Variants in FLT1 observed in about 807,000 individuals in gnomAD.
FLT1 encodes the protein fms related receptor tyrosine kinase 1.
FLT1 carries 49 observed loss-of-function variants against 156.3 expected under a neutral mutation model. The ratio of observed to expected loss-of-function variants is 0.31; its 90% confidence interval spans 0.25 to 0.40. FLT1 has a LOEUF of 0.40. Ranked by LOEUF, FLT1 falls within the 10% of genes least tolerant of loss-of-function variation. The pLI, the probability that FLT1 is intolerant of heterozygous loss-of-function variation, is 1.00. For synonymous variants in FLT1, 594 were observed against 583.8 expected, an observed-to-expected ratio of 1.02 and a Z score of -0.25; for missense variants, 1,322 against 1,637.2, an observed-to-expected ratio of 0.81 and a Z score of 3.32.
chr13:28,406,072 T>C (rs910400389), intron 10 of FLT1, among the ~76,000 whole-genome samples, 178 bp from the exon 11 acceptor site: 1 of 152,216 alleles, frequency 6.6e-6, no homozygotes, highest in Non-Finnish European at 1.5e-5. Flanking sequence ...ATAGCAAATA[T>C]ATTTGGCTGA....
At chr13:28,310,682 G>GTA (rs1232550680) in intron 27 of FLT1, among the ~76,000 whole-genome samples, 2 of 152,156 alleles carry the variant, frequency 1.3e-5, no homozygotes, top group African/African-American at 4.8e-5. Flanking sequence ...TCCCTCTGCA[G>GTA]TAATACGGGA....
At chr13:28,438,725 C>CT (rs1878178077) in intron 3 of FLT1, among the ~76,000 whole-genome samples, 1 of 152,168 alleles carries the variant, frequency 6.6e-6, no homozygotes, top group Non-Finnish European at 1.5e-5. Context: ...CCTCCAGAGC[C>CT]TTTGTAAGTG....
intron 10 of FLT1, among the ~76,000 whole-genome samples, chr13:28,406,749 A>C (rs1351482510): frequency 6.6e-6 from 1 of 152,132 alleles, no homozygotes; most frequent in East Asian, 1.9e-4. Flanking sequence ...GGGTTCAAGC[A>C]ATCCTGCCGC....
rs75419986 is a variant in FLT1 at position 28,457,861 on chromosome 13, A to C, written c.388+9042T>G. ...CTTGATTGTAGGGGAAAAATGAGAG[A>C]ATATGGTCAATTTTATTACCTTTGG... On this transcript the variant is annotated intron_variant, in intron 3 of 29. Transcript: ENST00000282397. 3.8e-3 allele frequency among the ~76,000 whole-genome samples: 571 copies of C among 152,096 alleles called. 9 individuals carry two copies. In the East Asian group the frequency reaches 0.064, roughly 17 times the overall value.
intron 13 of FLT1, 111 bp downstream of exon 13, chr13:28,389,685 C>A (rs778347714): frequency 5.7e-6 from 9 of 1,573,150 alleles, no homozygotes; most frequent in African/African-American, 1.4e-5. Flanking sequence ...ACAACTGTTA[C>A]TTTTTAATGA....
Position 28,408,003 on chromosome 13 carries a change from CAT to C in FLT1, c.1437-2111_1437-2110del, listed in dbSNP as rs1200776218. 4.6e-5 allele frequency among the ~76,000 whole-genome samples: 7 copies of C among 152,252 alleles called. No homozygotes were observed. The East Asian group carries it at 1.3e-3, about 29-fold the overall frequency. ...CAGGTATGAGTGTATATAATGTGCA[CAT>C]ATACACATGTGTATACCTAGATTAG... On this transcript the variant is annotated intron_variant, in intron 10 of 29. Transcript: ENST00000282397.
intron 16 of FLT1, among the ~76,000 whole-genome samples, chr13:28,342,946 T>TTCTCTC (rs61022115): frequency 0.019 from 2,727 of 143,068 alleles, 37 homozygotes; most frequent in African/African-American, 0.034. Context: ...CTTTCTTTCT[T>TTCTCTC]TCTCTCTCTC....
intron 14 of FLT1, chr13:28,368,492 G>T: frequency 6.5e-7 from 1 of 1,527,632 alleles, no homozygotes; most frequent in Non-Finnish European, 8.8e-7. Flanking sequence ...CCAACTAAAG[G>T]ATAAGTTCTT....
chr13:28,431,363 G>T (rs1353014482), intron 6 of FLT1, 53 bp from the exon 7 acceptor site: 5 of 1,270,914 alleles, frequency 3.9e-6, no homozygotes, highest in African/African-American at 1.5e-5. Flanking sequence ...CATGCTTAAA[G>T]TTATATAGGA....
intron 10 of FLT1, among the ~76,000 whole-genome samples, chr13:28,413,391 C>T (rs180799033): frequency 2.0e-3 from 289 of 141,656 alleles, no homozygotes; most frequent in African/African-American, 6.2e-3. Flanking sequence ...GCCAGACACT[C>T]TCTCCCTCCC....
intron 1 of FLT1, among the ~76,000 whole-genome samples, chr13:28,483,406 C>T (rs1034194005): frequency 1.3e-5 from 2 of 152,136 alleles, no homozygotes; most frequent in Admixed American, 6.5e-5. Flanking sequence ...CATATTTTTA[C>T]ATAGTATATA....
chr13:28,303,183 G>A lies in FLT1; in HGVS notation c.4001C>T (p.Ser1334Phe). Residue 1334 changes from serine to phenylalanine, a missense_variant, in exon 30 of 30, where the codon TCC becomes TTC. Physicochemically the swap from Ser to Phe is radical, Grantham distance 155. Transcript: ENST00000282397. Reference sequence around the variant, plus strand: ...TGTCAAACTCTAGATGGGTGGGGTGGAGTACAGGACCACCGAGTTGTAGTC... The same window carrying A: ...TGTCAAACTCTAGATGGGTGGGGTGAAGTACAGGACCACCGAGTTGTAGTC... Reference protein sequence around the residue: ...PPDYNSVVLYSTPPI With the variant: ...PPDYNSVVLYFTPPI 6.2e-7 allele frequency: 1 copy of A among 1,610,946 alleles called. No individual in the cohort carries two copies. The highest frequency in any genetic ancestry group is 8.5e-7 in the Non-Finnish European group (1 of 1,179,906).
chr13:28,311,151 C>T (rs1160979487), intron 27 of FLT1, among the ~76,000 whole-genome samples: 3 of 152,048 alleles, frequency 2.0e-5, no homozygotes, highest in African/African-American at 7.3e-5. Flanking sequence ...AAGATGAGGT[C>T]TCTCTATGTT....
At chr13:28,476,949 T>C (rs1046856606) in intron 1 of FLT1, among the ~76,000 whole-genome samples, 1 of 152,216 alleles carries the variant, frequency 6.6e-6, no homozygotes, top group Non-Finnish European at 1.5e-5. Context: ...GCCACTGAAG[T>C]GGCCAAAGTC....
intron 23 of FLT1, 42 bp downstream of exon 23, chr13:28,321,421 G>C (rs749663846): frequency 1.5e-5 from 24 of 1,607,172 alleles, no homozygotes; most frequent in African/African-American, 4.0e-5. Flanking sequence ...GTTTAAAAGT[G>C]ATAGGACACA....
chr13:28,428,538 G>A (rs1337982309), intron 8 of FLT1, among the ~76,000 whole-genome samples: 2 of 151,870 alleles, frequency 1.3e-5, no homozygotes, highest in South Asian at 2.1e-4. Context: ...ATACTGAATC[G>A]ATGCATTGAT....
intron 29 of FLT1, among the ~76,000 whole-genome samples, chr13:28,304,465 A>G (rs1021527600): frequency 3.3e-5 from 5 of 150,826 alleles, no homozygotes; most frequent in Non-Finnish European, 7.4e-5. Context: ...TTTGATTTAG[A>G]TCAGGGTTCA....
intron 12 of FLT1, among the ~76,000 whole-genome samples, chr13:28,393,031 C>T (rs1020906955): frequency 2.6e-5 from 4 of 151,778 alleles, no homozygotes; most frequent in Admixed American, 1.3e-4. Context: ...CAAAAACAGA[C>T]CCAAGAAAGA....
intron 14 of FLT1, among the ~76,000 whole-genome samples, chr13:28,371,703 G>T (rs908307199): frequency 2.6e-5 from 4 of 152,092 alleles, no homozygotes; most frequent in Admixed American, 1.3e-4. Context: ...TGGTAAGAAT[G>T]AACCTTCTAT....
Sources: allele counts gnomAD v4.1 joint callset (sites outside exome capture counted in the v4.1 genomes callset), GRCh38; gene constraint gnomAD v4.1.1; transcripts MANE v1.5; gene names NCBI Gene and HGNC (gene_info 2026-07-23, HGNC 2026-07-21).